Variants in DLC1 observed in about 807,000 individuals in gnomAD.
The protein encoded by DLC1 is DLC1 Rho GTPase activating protein.
A neutral mutation model predicts 140.3 loss-of-function variants in DLC1; 54 were observed. The observed-to-expected ratio is 0.38, with a 90% CI of 0.31 to 0.48. The LOEUF is 0.48. DLC1 is among the 20% of genes least tolerant of loss of function. The pLI, the probability that DLC1 is intolerant of heterozygous loss-of-function variation, is 0.96. For missense variants in DLC1, 2,536 were observed against 1,907.0 expected (o/e 1.33, Z -6.14); for synonymous variants, 986 against 728.1 (o/e 1.35, Z -5.70).
At chr8:13,157,526 C>G (rs1824340452) in intron 5 of DLC1, among the ~76,000 whole-genome samples, 1 of 152,144 alleles carries the variant, frequency 6.6e-6, no homozygotes, top group South Asian at 2.1e-4. Context: ...TTGGTAATCA[C>G]CACACACCTA....
At chr8:13,275,903 C>G (rs1050376011) in intron 5 of DLC1, among the ~76,000 whole-genome samples, 1 of 152,158 alleles carries the variant, frequency 6.6e-6, no homozygotes, top group Non-Finnish European at 1.5e-5. Flanking sequence ...GAGACAGCCC[C>G]GAGGATCTCA....
chr8:13,143,167 C>T (rs1006468536), intron 5 of DLC1, among the ~76,000 whole-genome samples: 2 of 151,870 alleles, frequency 1.3e-5, no homozygotes, highest in Admixed American at 6.6e-5. Context: ...TTAGAACATA[C>T]ACATTTTCAA....
In DLC1 at chr8:13,086,410, A is replaced by G; in HGVS notation, c.4346T>C (p.Val1449Ala). The G allele has an allele frequency of 6.2e-7, 1 of 1,614,266 alleles. No individual in the cohort carries two copies. Among genetic ancestry groups the G allele is most frequent in the Non-Finnish European group, 8.5e-7 (1 of 1,180,048 alleles). The change falls in exon 17 of 18, where the codon GTG (valine) becomes GCG (alanine). Residue 1449 changes from valine to alanine, a missense_variant. Physicochemically the swap from Val to Ala is moderately conservative, Grantham distance 64. Coordinates refer to ENST00000276297, the MANE Select transcript of DLC1 (RefSeq NM_182643.3). ...CACCACAGGTGCGCGATCGTGATCC[A>G]CAGAGGTTAGTAAAAGGGCACAGGC... is the stretch of plus-strand genomic sequence containing the variant. ...KGACALLLTS[V>A]DHDRAPVVGV...
At chr8:13,258,873 C>G (rs958478808) in intron 5 of DLC1, among the ~76,000 whole-genome samples, 1 of 152,100 alleles carries the variant, frequency 6.6e-6, no homozygotes, top group African/African-American at 2.4e-5. Context: ...CGCGGTGGCT[C>G]ACGCCTGTAA....
intron 1 of DLC1, among the ~76,000 whole-genome samples, chr8:13,537,648 C>CTTTTTTTTTT (rs3066420): frequency 2.2e-5 from 2 of 90,346 alleles, no homozygotes; most frequent in African/African-American, 9.1e-5. Context: ...ACAGCTAACT[C>CTTTTTTTTTT]TTTTTTTTTT....
chr8:13,397,400 G>T (rs1307371760), intron 3 of DLC1, among the ~76,000 whole-genome samples: 1 of 152,148 alleles, frequency 6.6e-6, no homozygotes, highest in Non-Finnish European at 1.5e-5. Flanking sequence ...CAGAAGCCAG[G>T]AGAGCAGTGA....
intron 5 of DLC1, chr8:13,214,557 C>CCTTTT: frequency 1.7e-6 from 1 of 580,110 alleles, no homozygotes. Flanking sequence ...CCAACCCCAC[C>CCTTTT]TTTTTTTTTT....
At chr8:13,183,500 A>C (rs1826160322) in intron 5 of DLC1, among the ~76,000 whole-genome samples, 1 of 152,078 alleles carries the variant, frequency 6.6e-6, no homozygotes, top group Non-Finnish European at 1.5e-5. Flanking sequence ...ATCAATACCT[A>C]GTTTATTGAG....
chr8:13,328,418 C>T (rs1833455184), intron 4 of DLC1, among the ~76,000 whole-genome samples: 1 of 152,082 alleles, frequency 6.6e-6, no homozygotes, highest in Non-Finnish European at 1.5e-5. Flanking sequence ...GAAGACGTCA[C>T]AGTCGAAGAA....
chr8:13,160,696 G>T (rs1235014679), intron 5 of DLC1, among the ~76,000 whole-genome samples: 2 of 152,176 alleles, frequency 1.3e-5, no homozygotes, highest in Non-Finnish European at 2.9e-5. Context: ...AGAGGGCTTT[G>T]ATTAGGGACG....
intron 5 of DLC1, chr8:13,214,629 G>A (rs764155258): frequency 6.4e-6 from 5 of 778,412 alleles, no homozygotes; most frequent in Admixed American, 1.7e-5. Context: ...CACCGGCCTA[G>A]GTGATGTTTT....
At chr8:13,505,708 C>T (rs952149944) in intron 1 of DLC1, among the ~76,000 whole-genome samples, 8 of 152,134 alleles carry the variant, frequency 5.3e-5, no homozygotes, top group African/African-American at 1.9e-4. Context: ...TATCTTATGT[C>T]ACCAATGTCA....
chr8:13,149,055 G>C (rs1282425909), intron 5 of DLC1, among the ~76,000 whole-genome samples: 2 of 152,130 alleles, frequency 1.3e-5, no homozygotes, highest in Non-Finnish European at 2.9e-5. Flanking sequence ...GCCTCCCAAA[G>C]TGCTGGGATT....
At chr8:13,132,845 C>A in intron 5 of DLC1, 2 of 1,422,354 alleles carry the variant, frequency 1.4e-6, no homozygotes, top group South Asian at 1.2e-5. Context: ...ACAGAACAGG[C>A]ACCGACTTGA....
intron 4 of DLC1, among the ~76,000 whole-genome samples, chr8:13,357,023 C>T (rs546081203): frequency 4.6e-5 from 7 of 152,058 alleles, no homozygotes; most frequent in Admixed American, 4.6e-4. Context: ...AATCCCAACA[C>T]TTAGGGGGGC....
intron 4 of DLC1, among the ~76,000 whole-genome samples, chr8:13,355,085 C>T (rs1834865328): frequency 1.3e-5 from 2 of 150,256 alleles, no homozygotes; most frequent in Non-Finnish European, 3.0e-5. Context: ...TTAAAAAATA[C>T]ATCATTTTTT....
intron 2 of DLC1, among the ~76,000 whole-genome samples, chr8:13,465,634 T>C (rs1201943400): frequency 1.3e-5 from 2 of 152,204 alleles, no homozygotes; most frequent in African/African-American, 2.4e-5. Flanking sequence ...ATTTGAATAC[T>C]ATTCTTTGTT....
intron 7 of DLC1, among the ~76,000 whole-genome samples, chr8:13,109,063 A>T (rs1819834491): frequency 6.6e-6 from 1 of 152,118 alleles, no homozygotes; most frequent in Non-Finnish European, 1.5e-5. Flanking sequence ...TCCTCTCTTA[A>T]ACCATGAGAA....
intron 5 of DLC1, among the ~76,000 whole-genome samples, chr8:13,146,032 A>C (rs745580493): frequency 2.0e-5 from 3 of 152,122 alleles, no homozygotes; most frequent in Non-Finnish European, 4.4e-5. Flanking sequence ...TAATCCCAGC[A>C]CTTTGGGAGG....
Sources: gnomAD v4.1 joint callset for allele counts (sites outside exome capture counted in the v4.1 genomes callset) on GRCh38, gnomAD v4.1.1 for gene constraint, MANE v1.5 for transcripts, NCBI Gene and HGNC (gene_info 2026-07-23, HGNC 2026-07-21) for gene names.